The following RAB21 variants were observed in gnomAD, a reference collection of about 807,000 sequenced individuals.
RAB21 encodes ras-related protein Rab-21.
In RAB21, 13 loss-of-function variants were observed where a neutral mutation model predicts 33.1. The observed-to-expected ratio is 0.39, with a 90% CI of 0.26 to 0.62. The LOEUF is 0.62. Ranked by LOEUF, RAB21 falls within the 20% of genes least tolerant of loss-of-function variation. The pLI is 0.48. For missense variants in RAB21, 234 were observed against 279.1 expected, an observed-to-expected ratio of 0.84 and a Z score of 1.15; for synonymous variants, 91 against 103.7, an observed-to-expected ratio of 0.88 and a Z score of 0.74.
chr12:71,764,007 G>A (rs1882918708), intron 1 of RAB21, among the ~76,000 whole-genome samples: 1 of 152,132 alleles, frequency 6.6e-6, no homozygotes, highest in Non-Finnish European at 1.5e-5. Context: ...ACTTCACAGA[G>A]TTGTTGAAAA....
At position 71,796,861 on chromosome 12, in the gene RAB21, G is replaced by A. The variant is rs143244098; in HGVS notation, c.*11188G>A. 5.9e-5 allele frequency: 9 copies of A among 151,856 alleles called. No individual in the cohort carries two copies. The East Asian group carries it at 1.2e-3, about 20-fold the overall frequency. The allele number at this position is 151,856 out of a possible 1,614,324, so 9.4% of individuals were successfully genotyped here. ...GTAAGCTAAAAAGCCTGTTTCGTTCGGAAAAAAAAGTACATAACATTTTAA... is the reference window on the plus strand; with the variant it reads ...GTAAGCTAAAAAGCCTGTTTCGTTCAGAAAAAAAAGTACATAACATTTTAA... On this transcript the variant is annotated 3_prime_UTR_variant, in exon 7 of 7. Transcript: ENST00000261263.
chr12:71,761,329 A>G (rs1882869081), intron 1 of RAB21, among the ~76,000 whole-genome samples: 1 of 152,206 alleles, frequency 6.6e-6, no homozygotes, highest in Non-Finnish European at 1.5e-5. Flanking sequence ...GGATAGCTTG[A>G]GCCCAGGAGT....
At chr12:71,782,527 G>A (rs1230851611) in intron 5 of RAB21, 43 bp from the exon 6 acceptor site, 3 of 1,357,968 alleles carry the variant, frequency 2.2e-6, no homozygotes, top group Non-Finnish European at 3.1e-6. Flanking sequence ...ACAAAATCAT[G>A]AATAATATTT....
intron 1 of RAB21, among the ~76,000 whole-genome samples, chr12:71,762,359 G>A (rs1279527507): frequency 6.6e-6 from 1 of 152,156 alleles, no homozygotes; most frequent in African/African-American, 2.4e-5. Flanking sequence ...AGGCTGGAGT[G>A]CAGTGGCGCG....
intron 4 of RAB21, among the ~76,000 whole-genome samples, chr12:71,775,361 A>G (rs1883104390): frequency 6.6e-6 from 1 of 152,182 alleles, no homozygotes; most frequent in African/African-American, 2.4e-5. Context: ...TTAGGTTACT[A>G]ATCCTTAAGA....
intron 6 of RAB21, among the ~76,000 whole-genome samples, chr12:71,783,121 A>G (rs974846427): frequency 6.6e-6 from 1 of 152,028 alleles, no homozygotes; most frequent in African/African-American, 2.4e-5. Context: ...TTATAAAAGG[A>G]GTTCTTATCT....
At position 71,791,050 on chromosome 12, in the gene RAB21, A is replaced by G. The variant is rs1009546532; in HGVS notation, c.*5377A>G. 1 of 152,022 alleles carries G rather than the reference A, an allele frequency of 6.6e-6. No individual in the cohort carries two copies. The highest frequency in any genetic ancestry group is 1.5e-5 in the Non-Finnish European group (1 of 68,014). 9.4% of individuals were successfully genotyped at this position (152,022 alleles called of 1,614,324 possible). On this transcript the variant is annotated 3_prime_UTR_variant, in exon 7 of 7. Coordinates refer to ENST00000261263, the MANE Select transcript of RAB21 (RefSeq NM_014999.4). The stretch of plus-strand genomic sequence containing the variant: ...CAGGCTGGAGTGTGGTGGCTCAGTG[A>G]TAGTTCACTGCATCCTTGAACTCAT...
At chr12:71,772,442 T>G (rs982831742) in intron 3 of RAB21, among the ~76,000 whole-genome samples, 1 of 152,200 alleles carries the variant, frequency 6.6e-6, no homozygotes, top group African/African-American at 2.4e-5. Flanking sequence ...GGTGGGGAAT[T>G]TGACTCTACC....
Position 71,792,113 on chromosome 12 carries a change from C to T in RAB21, c.*6440C>T, listed in dbSNP as rs1486796209. The T allele has an allele frequency of 6.6e-6, 1 of 152,132 alleles. No individual in the cohort carries two copies. Among genetic ancestry groups the T allele is most frequent in the East Asian group, 1.9e-4 (1 of 5,198 alleles). The allele number at this position is 152,132 out of a possible 1,614,324, so 9.4% of individuals were successfully genotyped here. ...GTTTTTGAACTAGTTTCAAAGTGAT[C>T]CTCCTGCCTTGGCCTCTCAAAGTAC... On this transcript the variant is annotated 3_prime_UTR_variant, in exon 7 of 7. Coordinates refer to ENST00000261263, the MANE Select transcript of RAB21 (RefSeq NM_014999.4).
At chr12:71,758,459 T>C (rs1882821741) in intron 1 of RAB21, among the ~76,000 whole-genome samples, 3 of 152,190 alleles carry the variant, frequency 2.0e-5, no homozygotes, top group African/African-American at 7.2e-5. Flanking sequence ...TCTGGCTCCC[T>C]TAACTGGATC....
In RAB21 at chr12:71,755,128, G is replaced by A; in HGVS notation, c.-2G>A. 8.2e-7 allele frequency: 1 copy of A among 1,222,284 alleles called. No individual in the cohort carries two copies. The highest frequency in any genetic ancestry group is 1.0e-6 in the Non-Finnish European group (1 of 981,974). 75.7% of individuals were successfully genotyped at this position (1,222,284 alleles called of 1,614,324 possible). A position where few individuals can be genotyped will look rare whatever the true frequency, so the allele number is the denominator to read the frequency against. On this transcript the variant is annotated 5_prime_UTR_variant, in exon 1 of 7. Coordinates refer to ENST00000261263, the MANE Select transcript of RAB21 (RefSeq NM_014999.4). ...GGGCTCGGGCGGCCGGGAAGCGACG[G>A]GATGGCTGCGGCCGGCGGCGGCGGC...
chr12:71,785,730 C>G lies in RAB21; in HGVS notation c.*57C>G. The G allele has an allele frequency of 1.3e-6, 2 of 1,572,666 alleles. No individual in the cohort carries two copies. Among genetic ancestry groups the G allele is most frequent in the Non-Finnish European group, 1.7e-6 (2 of 1,144,984 alleles). ...CAAAACTGTGGATCATTGCCCTCAA[C>G]ATGAAGACTGCCATATTCCAAGTCA... On this transcript the variant is annotated 3_prime_UTR_variant, in exon 7 of 7. Coordinates refer to ENST00000261263, the MANE Select transcript of RAB21 (RefSeq NM_014999.4).
Position 71,791,449 on chromosome 12 carries a change from C to G in RAB21, c.*5776C>G, listed in dbSNP as rs556144181. On this transcript the variant is annotated 3_prime_UTR_variant, in exon 7 of 7. Coordinates refer to ENST00000261263, the MANE Select transcript of RAB21 (RefSeq NM_014999.4). ...TTAGTGTATAAAATCTAGGAGTTAA[C>G]TTTAGCAGATTCTTTTATCAGAATA... is the stretch of plus-strand genomic sequence containing the variant. 2 of 152,248 alleles carry G rather than the reference C, an allele frequency of 1.3e-5. No homozygotes were observed. Among genetic ancestry groups the G allele is most frequent in the African/African-American group, 4.8e-5 (2 of 41,556 alleles). 9.4% of individuals were successfully genotyped at this position (152,248 alleles called of 1,614,324 possible). A position where few individuals can be genotyped will look rare whatever the true frequency, so the allele number is the denominator to read the frequency against.
chr12:71,760,051 G>T lies in RAB21; in HGVS notation c.159+4763G>T, dbSNP rs189502042. Among the ~76,000 whole-genome samples the T allele has an allele frequency of 5.6e-3, 859 of 152,172 alleles. 14 individuals are homozygous for T. The highest frequency in any genetic ancestry group is 0.02 in the African/African-American group (816 of 41,510). Reference sequence around the variant, plus strand: ...TTGATGTTAAATGAATAAATGATGCGGGATTTATGTTTTTCTTTCATGGCA... The same window carrying T: ...TTGATGTTAAATGAATAAATGATGCTGGATTTATGTTTTTCTTTCATGGCA... On this transcript the variant is annotated intron_variant, in intron 1 of 6. Coordinates refer to ENST00000261263, the MANE Select transcript of RAB21 (RefSeq NM_014999.4).
Position 71,795,868 on chromosome 12 carries a change from A to ATT in RAB21, c.*10195_*10196insTT, listed in dbSNP as rs1883459610. The ATT allele has an allele frequency of 7.2e-6, 1 of 138,012 alleles. No homozygotes were observed. The highest frequency in any genetic ancestry group is 1.5e-5 in the Non-Finnish European group (1 of 66,116). The allele number at this position is 138,012 out of a possible 1,614,324, so 8.5% of individuals were successfully genotyped here. On this transcript the variant is annotated 3_prime_UTR_variant, in exon 7 of 7. Transcript: ENST00000261263. Reference sequence around the variant, plus strand: ...TATATGTGAAGTTTTTTACTTCTTCAGTTTTTCAAGATAATTTTGCTGTTT... The same window carrying ATT: ...TATATGTGAAGTTTTTTACTTCTTCATTGTTTTTCAAGATAATTTTGCTGTTT...
rs886493446 is a variant in RAB21, at chr12:71,786,402, C to A, written c.*729C>A. Reference sequence around the variant, plus strand: ...TATTTTGTGGTAGTTGAAATTGTATCACTTCTAAACAGCAAACTGTTTTTG... The same window carrying A: ...TATTTTGTGGTAGTTGAAATTGTATAACTTCTAAACAGCAAACTGTTTTTG... On this transcript the variant is annotated 3_prime_UTR_variant, in exon 7 of 7. Coordinates refer to ENST00000261263, the MANE Select transcript of RAB21 (RefSeq NM_014999.4). 1 of 152,468 alleles carries A rather than the reference C, an allele frequency of 6.6e-6. No individual in the cohort carries two copies. Among genetic ancestry groups the A allele is most frequent in the African/African-American group, 2.4e-5 (1 of 41,404 alleles). The allele number at this position is 152,468 out of a possible 1,614,324, so 9.4% of individuals were successfully genotyped here.
At chr12:71,758,457 C>T (rs1565883031) in intron 1 of RAB21, among the ~76,000 whole-genome samples, 2 of 152,096 alleles carry the variant, frequency 1.3e-5, no homozygotes, top group Admixed American at 1.3e-4. Context: ...ACTCTGGCTC[C>T]CTTAACTGGA....
In RAB21 at chr12:71,785,854, C is replaced by T. The variant is rs568371009; in HGVS notation, c.*181C>T. The T allele has an allele frequency of 8.5e-5, 50 of 591,340 alleles. No individual in the cohort carries two copies. The African/African-American group carries it at 8.8e-4, about 10-fold the overall frequency. 36.6% of individuals were successfully genotyped at this position (591,340 alleles called of 1,614,324 possible). ...TGCTAAACTTAGTGGAGTTTGTGAC[C>T]AGAGAATTGGCATTTTCTACAAATG... On this transcript the variant is annotated 3_prime_UTR_variant, in exon 7 of 7. Transcript: ENST00000261263.
chr12:71,779,621 C>T (rs1205327369), intron 4 of RAB21, among the ~76,000 whole-genome samples: 1 of 152,198 alleles, frequency 6.6e-6, no homozygotes, highest in Non-Finnish European at 1.5e-5. Flanking sequence ...GCCATTTGCC[C>T]TTAGCAGTGG....
Sources: allele counts gnomAD v4.1 joint callset (sites outside exome capture counted in the v4.1 genomes callset), GRCh38; gene constraint gnomAD v4.1.1; transcripts MANE v1.5; gene names NCBI Gene and HGNC (gene_info 2026-07-23, HGNC 2026-07-21).